SLC25A26: variants seen among roughly 807,000 people sequenced by gnomAD.
SLC25A26 encodes the protein mitochondrial S-adenosylmethionine carrier protein.
In SLC25A26, 36 loss-of-function variants were observed where a neutral mutation model predicts 37.8. The ratio of observed to expected loss-of-function variants is 0.95; its 90% CI spans 0.73 to 1.26. The LOEUF (loss-of-function observed/expected upper bound fraction) is 1.26. Ranked by LOEUF, SLC25A26 falls within the 50% of genes most tolerant of loss-of-function variation. The pLI, the probability that SLC25A26 is intolerant of heterozygous loss-of-function variation, is 0.00. For missense variants in SLC25A26, 390 were observed against 331.1 expected (o/e 1.18, Z -1.38); for synonymous variants, 129 against 122.5 (o/e 1.05, Z -0.35).
intron 1 of SLC25A26, among the ~76,000 whole-genome samples, chr3:66,211,223 C>T (rs1022025588): frequency 5.3e-4 from 80 of 152,284 alleles, no homozygotes; most frequent in African/African-American, 1.7e-3. Context: ...TAGCATTAAG[C>T]GGACTGTGTT....
chr3:66,287,178 C>A (rs555158564), intron 5 of SLC25A26, among the ~76,000 whole-genome samples: 73 of 152,126 alleles, frequency 4.8e-4, no homozygotes, highest in Non-Finnish European at 8.4e-4. Context: ...CGCCTGTAGT[C>A]CCAGCTACTC....
chr3:66,350,888 T>A (rs989660215), intron 6 of SLC25A26, among the ~76,000 whole-genome samples: 2 of 152,108 alleles, frequency 1.3e-5, no homozygotes, highest in African/African-American at 4.8e-5. Flanking sequence ...AATTCAGTGT[T>A]TGATCTCCTG....
rs375300790 is a variant in SLC25A26 at position 66,226,481 on chromosome 3, CTTT to C, written c.33+5362_33+5364del. Among the ~76,000 whole-genome samples the C allele has an allele frequency of 3.7e-3, 558 of 149,000 alleles. 3 individuals are homozygous for C. Among genetic ancestry groups the C allele is most frequent in the East Asian group, 0.017 (88 of 5,074 alleles). On this transcript the variant is annotated intron_variant, in intron 1 of 9. Coordinates refer to ENST00000354883, the MANE Select transcript of SLC25A26 (RefSeq NM_001379210.1). ...CAAACCATTTCATGTGCGTTCTTTT[CTTT>C]TTTTTTTGAGACAAGGTCTTCCTCT...
At chr3:66,259,582 G>C (rs2073441700) in intron 3 of SLC25A26, among the ~76,000 whole-genome samples, 1 of 152,150 alleles carries the variant, frequency 6.6e-6, no homozygotes, top group Non-Finnish European at 1.5e-5. Context: ...TCCTGTCAGT[G>C]ACCAGGTCCG....
intron 5 of SLC25A26, among the ~76,000 whole-genome samples, chr3:66,333,656 C>A (rs1575579797): frequency 6.6e-6 from 1 of 152,058 alleles, no homozygotes; most frequent in Non-Finnish European, 1.5e-5. Flanking sequence ...TATTAGGACC[C>A]AGGTCTGATT....
intron 1 of SLC25A26, among the ~76,000 whole-genome samples, chr3:66,232,697 G>C (rs2072090066): frequency 6.6e-6 from 1 of 152,202 alleles, no homozygotes; most frequent in Non-Finnish European, 1.5e-5. Context: ...TGAACAAAGG[G>C]CACATAGTGC....
chr3:66,350,966 G>A (rs1559728476), intron 6 of SLC25A26, among the ~76,000 whole-genome samples: 1 of 152,010 alleles, frequency 6.6e-6, no homozygotes, highest in South Asian at 2.1e-4. Context: ...TCACTGACTC[G>A]TATTTAATCA....
In SLC25A26 at chr3:66,245,464, G is replaced by A. The variant is rs1312412319; in HGVS notation, c.300+2152G>A. Among the ~76,000 whole-genome samples, 3 of 152,070 alleles carry A rather than the reference G, an allele frequency of 2.0e-5. No homozygotes were observed. The East Asian group carries it at 5.8e-4, about 29-fold the overall frequency. On this transcript the variant is annotated intron_variant, in intron 3 of 9. Transcript: ENST00000354883. Reference sequence around the variant, plus strand: ...CTTATTAAACCCCCATCCTTGTGATGGGCATAATAGAAATGGACAACACAG... The same window carrying A: ...CTTATTAAACCCCCATCCTTGTGATAGGCATAATAGAAATGGACAACACAG...
chr3:66,285,893 A>C (rs2074497493), intron 5 of SLC25A26, among the ~76,000 whole-genome samples: 1 of 152,198 alleles, frequency 6.6e-6, no homozygotes, highest in African/African-American at 2.4e-5. Context: ...TGCAGGGAAG[A>C]CCAACAAACT....
At chr3:66,209,894 C>CTCTATATA (rs1553656243) in intron 1 of SLC25A26, among the ~76,000 whole-genome samples, 2 of 13,192 alleles carry the variant, frequency 1.5e-4, no homozygotes. Flanking sequence ...CTCTCTCTCT[C>CTCTATATA]TATTTATATA....
At chr3:66,138,913 GACAA>G (rs1285297371) in intron 1 of SLC25A26, among the ~76,000 whole-genome samples, 2 of 152,108 alleles carry the variant, frequency 1.3e-5, no homozygotes, top group East Asian at 1.9e-4. Context: ...GAACAGGAAA[GACAA>G]ACAGTCATTC....
At chr3:66,317,123 C>T (rs1274225991) in intron 5 of SLC25A26, among the ~76,000 whole-genome samples, 2 of 152,212 alleles carry the variant, frequency 1.3e-5, no homozygotes, top group Admixed American at 1.3e-4. Flanking sequence ...CCATCTCAAG[C>T]CTCGGCCCAG....
At chr3:66,377,570 A>G in intron 9 of SLC25A26, 120 bp from the exon 10 acceptor site, 3 of 698,542 alleles carry the variant, frequency 4.3e-6, no homozygotes, top group East Asian at 2.5e-5. Context: ...AGCGTTCACA[A>G]GCTGTTTGGT....
At chr3:66,320,806 T>A (rs1026899452) in intron 5 of SLC25A26, among the ~76,000 whole-genome samples, 1 of 152,260 alleles carries the variant, frequency 6.6e-6, no homozygotes, top group Non-Finnish European at 1.5e-5. Context: ...ACCAGTTGCA[T>A]TTTTAAAAGT....
At chr3:66,253,022 T>TTCC (rs2073145269) in intron 3 of SLC25A26, among the ~76,000 whole-genome samples, 1 of 48,440 alleles carries the variant, frequency 2.1e-5, no homozygotes, top group African/African-American at 8.0e-5. Flanking sequence ...GGCAAAATAA[T>TTCC]GCCCCCCCCC....
intron 1 of SLC25A26, among the ~76,000 whole-genome samples, chr3:66,147,938 T>C (rs1576595464): frequency 6.6e-6 from 1 of 152,068 alleles, no homozygotes. Flanking sequence ...TTTGTATTTT[T>C]AGTAGAGATG....
intron 7 of SLC25A26, among the ~76,000 whole-genome samples, chr3:66,363,299 A>G (rs967852172): frequency 1.3e-5 from 2 of 152,158 alleles, no homozygotes; most frequent in Admixed American, 1.3e-4. Context: ...TAGGGGGTTT[A>G]AGCGATTTCT....
At chr3:66,235,415 A>T (rs899185920) in intron 1 of SLC25A26, among the ~76,000 whole-genome samples, 3 of 152,060 alleles carry the variant, frequency 2.0e-5, no homozygotes, top group African/African-American at 7.2e-5. Flanking sequence ...CTCTTGGGAG[A>T]TGACTAGTTT....
At chr3:66,255,814 G>T (rs969715647) in intron 3 of SLC25A26, among the ~76,000 whole-genome samples, 11 of 152,182 alleles carry the variant, frequency 7.2e-5, no homozygotes, top group African/African-American at 2.7e-4. Context: ...AGGCTCCGGA[G>T]GTACTGGAGG....
Sources: gnomAD v4.1 joint callset for allele counts (sites outside exome capture counted in the v4.1 genomes callset) on GRCh38, gnomAD v4.1.1 for gene constraint, MANE v1.5 for transcripts, NCBI Gene and HGNC (gene_info 2026-07-23, HGNC 2026-07-21) for gene names.